Variants in SBF2 observed in about 807,000 individuals in gnomAD.
SBF2 encodes the protein myotubularin-related protein 13.
SBF2 carries 112 observed loss-of-function variants against 225.2 expected under a neutral mutation model. That is an observed-to-expected ratio of 0.50 (90% CI 0.43 to 0.58). The LOEUF is 0.58. SBF2 is among the 20% of genes least tolerant of loss of function. The pLI is 0.00. For missense variants in SBF2, 1,996 were observed against 2,206.2 expected (o/e 0.90, Z 1.91); for synonymous variants, 763 against 773.3 (o/e 0.99, Z 0.22).
At chr11:9,928,933 T>C in intron 16 of SBF2, 1 of 428,006 alleles carries the variant, frequency 2.3e-6, no homozygotes, top group South Asian at 1.9e-5. Context: ...CAAGCAATTT[T>C]CTTGTTCGAG....
chr11:9,963,375 G>C (rs968622111), intron 15 of SBF2, among the ~76,000 whole-genome samples: 1 of 152,140 alleles, frequency 6.6e-6, no homozygotes, highest in Non-Finnish European at 1.5e-5. Flanking sequence ...TGAGGCAGGA[G>C]AATCGCTTGA....
At chr11:10,117,864 C>T (rs570472578) in intron 2 of SBF2, among the ~76,000 whole-genome samples, 29 of 151,764 alleles carry the variant, frequency 1.9e-4, no homozygotes, top group African/African-American at 5.3e-4. Context: ...GGAATTAATA[C>T]TGTTCAGTTT....
intron 28 of SBF2, among the ~76,000 whole-genome samples, chr11:9,824,730 T>A (rs1372505756): frequency 6.6e-6 from 1 of 152,036 alleles, no homozygotes; most frequent in Non-Finnish European, 1.5e-5. Flanking sequence ...AAATACAAGA[T>A]CAGGTTGTGG....
rs558822198 is a variant in SBF2 at position 9,793,819 on chromosome 11, C to T, written c.4570+2012G>A. On this transcript the variant is annotated intron_variant, in intron 33 of 39. Coordinates refer to ENST00000256190, the MANE Select transcript of SBF2 (RefSeq NM_030962.4). ...TCCCCAGGTGATTCTAATGTTCAGT[C>T]AAGTCTGAGAACCACTGCACTAGAC... Among the ~76,000 whole-genome samples the T allele has an allele frequency of 3.3e-5, 5 of 152,310 alleles. No individual in the cohort carries two copies. The South Asian group carries it at 1.0e-3, about 32-fold the overall frequency.
At position 9,781,594 on chromosome 11, in the gene SBF2, G is replaced by A; in HGVS notation, c.5364C>T (p.His1788=). The A allele has an allele frequency of 3.1e-6, 5 of 1,614,208 alleles. No homozygotes were observed. The highest frequency in any genetic ancestry group is 4.2e-6 in the Non-Finnish European group (5 of 1,180,028). ...CCATTTCTACTTCAGCCAGATCAAT[G>A]TGGCCTTTACAGCTTGTGTCCTCAC... ...DSGEDTSCKG[H]IDLAEVEMVI... is the part of the protein sequence containing the mutation. Residue 1788 remains histidine (H), a synonymous_variant, in exon 39 of 40, where the codon CAC becomes CAT. Transcript: ENST00000256190.
At chr11:9,978,495 T>C (rs1049158615) in intron 13 of SBF2, among the ~76,000 whole-genome samples, 3 of 152,194 alleles carry the variant, frequency 2.0e-5, no homozygotes, top group African/African-American at 7.2e-5. Flanking sequence ...AAATTTCCAA[T>C]AAGGCCTATG....
At chr11:10,040,956 T>C (rs1266780178) in intron 3 of SBF2, among the ~76,000 whole-genome samples, 1 of 152,064 alleles carries the variant, frequency 6.6e-6, no homozygotes, top group Non-Finnish European at 1.5e-5. Flanking sequence ...TACCCAAGAA[T>C]TCCTAGAACC....
At chr11:10,216,180 T>C (rs1267626847) in intron 1 of SBF2, among the ~76,000 whole-genome samples, 1 of 152,204 alleles carries the variant, frequency 6.6e-6, no homozygotes, top group African/African-American at 2.4e-5. Flanking sequence ...CAAACAGTTA[T>C]GTAATCTTCT....
At chr11:9,860,649 C>G (rs1284627893) in intron 17 of SBF2, among the ~76,000 whole-genome samples, 1 of 151,990 alleles carries the variant, frequency 6.6e-6, no homozygotes, top group African/African-American at 2.4e-5. Flanking sequence ...ATTTTAAAGG[C>G]ACTAAATTCA....
chr11:9,974,153 T>A (rs1201911915), intron 13 of SBF2, among the ~76,000 whole-genome samples: 1 of 152,166 alleles, frequency 6.6e-6, no homozygotes, highest in African/African-American at 2.4e-5. Context: ...AAGGATCACA[T>A]CCTTGTGAGA....
intron 6 of SBF2, among the ~76,000 whole-genome samples, chr11:10,014,040 G>A (rs1948553434): frequency 6.6e-6 from 1 of 152,120 alleles, no homozygotes; most frequent in Non-Finnish European, 1.5e-5. Context: ...GTGTCCTTGA[G>A]ACAGAGCTCT....
At chr11:9,804,534 C>A (rs1056595057) in intron 32 of SBF2, among the ~76,000 whole-genome samples, 3 of 152,188 alleles carry the variant, frequency 2.0e-5, no homozygotes, top group African/African-American at 4.8e-5. Context: ...GTAACCATCA[C>A]CACAATCATG....
intron 17 of SBF2, among the ~76,000 whole-genome samples, chr11:9,886,699 G>GTTTTTTTTTTTTTTTTTTTTTT (rs61240594): frequency 7.5e-6 from 1 of 133,740 alleles, no homozygotes; most frequent in Non-Finnish European, 1.6e-5. Context: ...TGATTCATGT[G>GTTTTTTTTTTTTTTTTTTTTTT]TTTTTTTTTT....
At position 9,922,671 on chromosome 11, in the gene SBF2, A is replaced by G. The variant is rs377613424; in HGVS notation, c.1861-26660T>C. Among the ~76,000 whole-genome samples, 14 of 152,358 alleles carry G rather than the reference A, an allele frequency of 9.2e-5. No homozygotes were observed. The East Asian group carries it at 1.5e-3, about 17-fold the overall frequency. On this transcript the variant is annotated intron_variant, in intron 16 of 39. Coordinates refer to ENST00000256190, the MANE Select transcript of SBF2 (RefSeq NM_030962.4). ...CCATCTGTAGTGTACTGAAAAAAGCACAGGACCTGCTTTGAAACATACCCT... is the reference window on the plus strand; with the variant it reads ...CCATCTGTAGTGTACTGAAAAAAGCGCAGGACCTGCTTTGAAACATACCCT...
At chr11:10,275,751 G>T (rs1423078012) in intron 1 of SBF2, among the ~76,000 whole-genome samples, 1 of 151,808 alleles carries the variant, frequency 6.6e-6, no homozygotes, top group Non-Finnish European at 1.5e-5. Flanking sequence ...ACAATTCATT[G>T]TTTCAAAATA....
intron 14 of SBF2, among the ~76,000 whole-genome samples, chr11:9,967,654 G>A (rs1473685311): frequency 2.0e-5 from 3 of 152,082 alleles, no homozygotes; most frequent in South Asian, 2.1e-4. Context: ...AGTGGCTCAC[G>A]ACTGTAATCC....
chr11:10,143,803 C>T (rs1433997596), intron 2 of SBF2, among the ~76,000 whole-genome samples: 3 of 152,062 alleles, frequency 2.0e-5, no homozygotes, highest in Non-Finnish European at 4.4e-5. Context: ...CTGCAAGCTC[C>T]GCCTCCCAGG....
At chr11:10,226,463 A>G (rs951465767) in intron 1 of SBF2, among the ~76,000 whole-genome samples, 2 of 151,170 alleles carry the variant, frequency 1.3e-5, no homozygotes, top group Non-Finnish European at 2.9e-5. Flanking sequence ...TGTATCTCCT[A>G]ATACTATCCC....
Position 9,785,317 on chromosome 11 carries a change from G to T in SBF2, c.5039C>A (p.Ser1680Tyr). 6.2e-7 allele frequency: 1 copy of T among 1,613,560 alleles called. No individual in the cohort carries two copies. The highest frequency in any genetic ancestry group is 8.5e-7 in the Non-Finnish European group (1 of 1,179,496). The change falls in exon 37 of 40, where the codon TCC becomes TAC. Residue 1680 changes from serine (S) to tyrosine (Y), a missense_variant and splice_region_variant. By Grantham distance (144) the Ser-to-Tyr change is moderately radical. Coordinates refer to ENST00000256190, the MANE Select transcript of SBF2 (RefSeq NM_030962.4). Reference sequence around the variant, plus strand: ...TGGGGATCTCGACAGGTGTCTTTGGGACTGAAAAAGACAGGACAGGAGCTA... The same window carrying T: ...TGGGGATCTCGACAGGTGTCTTTGGTACTGAAAAAGACAGGACAGGAGCTA... ...DLKEEPRTDR[S>Y]QRHLSRSPGI...
Sources: gnomAD v4.1 joint callset for allele counts (sites outside exome capture counted in the v4.1 genomes callset) on GRCh38, gnomAD v4.1.1 for gene constraint, MANE v1.5 for transcripts, NCBI Gene and HGNC (gene_info 2026-07-23, HGNC 2026-07-21) for gene names.